Variants in ANKRD62 observed in about 807,000 individuals in gnomAD.
ANKRD62 encodes ankyrin repeat domain-containing protein 62.
ANKRD62 carries 61 observed loss-of-function variants against 98.8 expected under a neutral mutation model. The observed-to-expected ratio is 0.62, with a 90% confidence interval of 0.50 to 0.76. The LOEUF is 0.76. Ranked by LOEUF, ANKRD62 falls within the 30% of genes least tolerant of loss-of-function variation. The pLI, the probability that ANKRD62 is intolerant of heterozygous loss-of-function variation, is 0.00. For missense variants in ANKRD62, 933 were observed against 1,082.9 expected (o/e 0.86, Z 1.94); for synonymous variants, 341 against 367.9 (o/e 0.93, Z 0.84).
chr18:12,124,322 T>C lies in ANKRD62; in HGVS notation c.1638+2T>C, dbSNP rs558797618. On this transcript the variant is annotated splice_donor_variant, in intron 12 of 13. Coordinates refer to ENST00000587848, the MANE Select transcript of ANKRD62 (RefSeq NM_001277333.2). LOFTEE classifies it high-confidence loss of function. ...ACTGTAAGAAGTAACTCAAATCAGG[T>C]AAATTAATGTTTGGTAAAATTTTAC... 2.5e-5 allele frequency: 25 copies of C among 997,544 alleles called. No individual in the cohort carries two copies. The Admixed American group carries it at 7.9e-4, about 32-fold the overall frequency. 61.8% of individuals were successfully genotyped at this position (997,544 alleles called of 1,614,324 possible). A position where few individuals can be genotyped will look rare whatever the true frequency, so the allele number is the denominator to read the frequency against.
rs573687318 is a variant in ANKRD62 at position 12,112,382 on chromosome 18, T to C, written c.1065-2706T>C. On this transcript the variant is annotated intron_variant, in intron 8 of 13. Coordinates refer to ENST00000587848, the MANE Select transcript of ANKRD62 (RefSeq NM_001277333.2). ...GTTCAAAAACAGACACATGGACCAG[T>C]TGAACAGAATAGAGAACCCAGAAAT... Among the ~76,000 whole-genome samples the C allele has an allele frequency of 7.2e-5, 11 of 152,130 alleles. 1 individual carries two copies. The South Asian group carries it at 2.3e-3, about 32-fold the overall frequency.
the ANKRD62 span, among the ~76,000 whole-genome samples, chr18:12,150,332 G>C: frequency 6.6e-6 from 1 of 152,110 alleles, no homozygotes; most frequent in Non-Finnish European, 1.5e-5. Flanking sequence ...ATTTATCATT[G>C]GCATCCCTGA....
chr18:12,127,654 T>C (rs1909920983), intron 13 of ANKRD62, 94 bp from the exon 14 acceptor site: 1 of 904,284 alleles, frequency 1.1e-6, no homozygotes, highest in Non-Finnish European at 1.5e-6. Flanking sequence ...TGTGGTGGTA[T>C]TTTTCGAAGT....
chr18:12,094,255 G>A lies in ANKRD62; in HGVS notation c.218+20G>A, dbSNP rs1014055967. 5.3e-6 allele frequency: 8 copies of A among 1,512,278 alleles called. No homozygotes were observed. Among genetic ancestry groups the A allele is most frequent in the African/African-American group, 3.1e-5 (2 of 64,410 alleles). The allele number at this position is 1,512,278 out of a possible 1,614,324, so 93.7% of individuals were successfully genotyped here. On this transcript the variant is annotated intron_variant, in intron 1 of 13. Transcript: ENST00000587848. ...GAACAGGTAAGGGGAACAGGAAGCC[G>A]GGAGGAGGCCTGGGGATATGGGAGA...
chr18:12,097,543 C>T (rs1281475733), intron 4 of ANKRD62, 97 bp from the exon 5 acceptor site: 1 of 1,289,644 alleles, frequency 7.8e-7, no homozygotes, highest in Non-Finnish European at 1.0e-6. Flanking sequence ...GTTAATTCTA[C>T]ATGGACAGGC....
chr18:12,162,449 A>G, the ANKRD62 span, among the ~76,000 whole-genome samples: 330 of 152,130 alleles, frequency 2.2e-3, 1 homozygote, highest in African/African-American at 7.4e-3. Context: ...TAGCTTGCAG[A>G]TATTTTCTCC....
the ANKRD62 span, among the ~76,000 whole-genome samples, chr18:12,172,099 G>A: frequency 2.6e-5 from 4 of 152,188 alleles, no homozygotes; most frequent in Admixed American, 2.0e-4. Context: ...TTAGCTCAGA[G>A]AAGTTTCTTA....
chr18:12,156,602 A>G, the ANKRD62 span, among the ~76,000 whole-genome samples: 7 of 152,320 alleles, frequency 4.6e-5, no homozygotes, highest in South Asian at 2.1e-4. Context: ...TATTACTTTG[A>G]AGCTTGCATT....
the ANKRD62 span, among the ~76,000 whole-genome samples, chr18:12,138,341 T>G: frequency 6.6e-6 from 1 of 152,234 alleles, no homozygotes; most frequent in African/African-American, 2.4e-5. Flanking sequence ...TCAGTTTCCA[T>G]GTAGTTGAGC....
chr18:12,131,720 AGTGTGTGTATGTGTGAGTGT>A (rs1372111478), downstream of ANKRD62, among the ~76,000 whole-genome samples: 4 of 143,276 alleles, frequency 2.8e-5, no homozygotes, highest in African/African-American at 1.1e-4. Flanking sequence ...AGAGAGAGAG[AGTGTGTGTATGTGTGAGTGT>A]GTGTGTGTGT....
chr18:12,158,870 C>A, the ANKRD62 span, among the ~76,000 whole-genome samples: 1 of 152,230 alleles, frequency 6.6e-6, no homozygotes, highest in Middle Eastern at 3.4e-3. Context: ...AAAAATATTT[C>A]AGCTGGGCTT....
At chr18:12,095,370 C>A (rs973900003) in intron 2 of ANKRD62, 67 bp from the exon 3 acceptor site, 1 of 1,532,838 alleles carries the variant, frequency 6.5e-7, no homozygotes, top group Non-Finnish European at 8.8e-7. Context: ...TGAAATGTGA[C>A]TAGTTGGTGA....
chr18:12,125,352 A>G (rs2143932348), intron 12 of ANKRD62, 108 bp from the exon 13 acceptor site: 1 of 1,049,152 alleles, frequency 9.5e-7, no homozygotes, highest in Non-Finnish European at 1.2e-6. Context: ...CCAGATGGCA[A>G]CTCTTTCATT....
At chr18:12,111,071 A>G (rs143242939) in intron 8 of ANKRD62, among the ~76,000 whole-genome samples, 2,339 of 152,078 alleles carry the variant, frequency 0.015, 66 homozygotes, top group African/African-American at 0.052. Flanking sequence ...AACATGATGA[A>G]ACCCTGTCTC....
chr18:12,131,011 G>A (rs1909995326), downstream of ANKRD62, among the ~76,000 whole-genome samples: 1 of 152,156 alleles, frequency 6.6e-6, no homozygotes, highest in Non-Finnish European at 1.5e-5. Flanking sequence ...TTACAAAAAT[G>A]TTTTGCATGT....
chr18:12,166,888 G>A, the ANKRD62 span, among the ~76,000 whole-genome samples: 3 of 150,174 alleles, frequency 2.0e-5, no homozygotes, highest in African/African-American at 4.9e-5. Context: ...CCCACCCCAT[G>A]ACAGGCCCCA....
At chr18:12,100,913 A>G (rs1909287113) in intron 6 of ANKRD62, among the ~76,000 whole-genome samples, 2 of 152,220 alleles carry the variant, frequency 1.3e-5, no homozygotes, top group Non-Finnish European at 2.9e-5. Flanking sequence ...GGCTCAGCAC[A>G]TTATAGTAAA....
the ANKRD62 span, among the ~76,000 whole-genome samples, chr18:12,135,198 C>G: frequency 8.5e-6 from 1 of 118,132 alleles, no homozygotes; most frequent in Non-Finnish European, 1.7e-5. Flanking sequence ...CCCCCTCCCC[C>G]CACCCCACAA....
At chr18:12,169,453 G>C in the ANKRD62 span, among the ~76,000 whole-genome samples, 1 of 152,058 alleles carries the variant, frequency 6.6e-6, no homozygotes, top group African/African-American at 2.4e-5. Flanking sequence ...TGCGTATGTT[G>C]AACCAGCCTT....
Sources: gnomAD v4.1 joint callset for allele counts (sites outside exome capture counted in the v4.1 genomes callset) on GRCh38, gnomAD v4.1.1 for gene constraint, MANE v1.5 for transcripts, NCBI Gene and HGNC (gene_info 2026-07-23, HGNC 2026-07-21) for gene names.